RAB10: variants seen among roughly 807,000 people sequenced by gnomAD.
The protein encoded by RAB10 is RAB10, member RAS oncogene family.
RAB10 carries 5 observed loss-of-function variants against 25.7 expected under a neutral mutation model. The observed-to-expected ratio is 0.19, with a 90% CI of 0.10 to 0.41. The LOEUF (loss-of-function observed/expected upper bound fraction) is 0.41, where lower values mean the gene tolerates loss of function less well. Among genes scored for constraint, RAB10 ranks in the 10% least tolerant of loss-of-function variants. RAB10 has a pLI of 1.00. For missense variants in RAB10, 103 were observed against 245.8 expected, an observed-to-expected ratio of 0.42 and a Z score of 3.89; for synonymous variants, 89 against 86.4, an observed-to-expected ratio of 1.03 and a Z score of -0.16.
chr2:26,041,558 AAAAAAAAAG>A (rs1299698899), intron 1 of RAB10, among the ~76,000 whole-genome samples: 4 of 150,374 alleles, frequency 2.7e-5, no homozygotes, highest in East Asian at 3.9e-4. Flanking sequence ...AAAAAAAAAA[AAAAAAAAAG>A]AATGTTAGCT....
chr2:26,092,124 A>G (rs1441517218), intron 1 of RAB10, among the ~76,000 whole-genome samples: 2 of 151,580 alleles, frequency 1.3e-5, no homozygotes, highest in Admixed American at 6.6e-5. Context: ...GTGAGCTGAG[A>G]TAGTGCCACT....
At chr2:26,126,314 A>G (rs982406188) in intron 3 of RAB10, among the ~76,000 whole-genome samples, 2 of 152,164 alleles carry the variant, frequency 1.3e-5, no homozygotes, top group Non-Finnish European at 2.9e-5. Flanking sequence ...TCAGTGGCTC[A>G]TGCCTGTAAT....
rs538832048 is a variant in RAB10 at position 26,118,895 on chromosome 2, G to T, written c.328-8249G>T. Among the ~76,000 whole-genome samples, 3 of 152,290 alleles carry T rather than the reference G, an allele frequency of 2.0e-5. No homozygotes were observed. The South Asian group carries it at 6.2e-4, about 32-fold the overall frequency. On this transcript the variant is annotated intron_variant, in intron 3 of 5. Transcript: ENST00000264710. ...TGTCTCTTTATGGATATGTCTGTGT[G>T]GTGCAACTACCAATCTTTCTTTGGG...
chr2:26,045,930 C>T (rs1361187126), intron 1 of RAB10, among the ~76,000 whole-genome samples: 3 of 152,120 alleles, frequency 2.0e-5, no homozygotes, highest in African/African-American at 7.2e-5. Flanking sequence ...CATCTGAACC[C>T]AGAAGACTAA....
chr2:26,096,668 C>T (rs1667225321), intron 1 of RAB10, among the ~76,000 whole-genome samples: 1 of 152,158 alleles, frequency 6.6e-6, no homozygotes, highest in African/African-American at 2.4e-5. Context: ...TATTTGACCC[C>T]TTCTGAAACA....
chr2:26,054,477 A>G (rs1264640279), intron 1 of RAB10, among the ~76,000 whole-genome samples: 2 of 152,330 alleles, frequency 1.3e-5, no homozygotes, highest in East Asian at 3.9e-4. Flanking sequence ...GGCGTGAGCC[A>G]CCACACGTGG....
chr2:26,083,803 G>A (rs938242070), intron 1 of RAB10, among the ~76,000 whole-genome samples: 1 of 152,188 alleles, frequency 6.6e-6, no homozygotes, highest in African/African-American at 2.4e-5. Context: ...ACAGGCGTGA[G>A]CAGCTGCACC....
In RAB10 at chr2:26,040,335, A is replaced by G. The variant is rs561807650; in HGVS notation, c.127+5600A>G. Among the ~76,000 whole-genome samples, 72 of 152,226 alleles carry G rather than the reference A, an allele frequency of 4.7e-4. 1 individual carries two copies. Among genetic ancestry groups the G allele is most frequent in the Non-Finnish European group, 8.4e-4 (57 of 68,016 alleles). ...TCTGGCTGTGTTGTTTTTAAAATCT[A>G]GAGCATTCTCTATAAATGATTTATA... On this transcript the variant is annotated intron_variant, in intron 1 of 5. Coordinates refer to ENST00000264710, the MANE Select transcript of RAB10 (RefSeq NM_016131.5).
chr2:26,082,632 G>A (rs1405911351), intron 1 of RAB10, among the ~76,000 whole-genome samples: 1 of 152,068 alleles, frequency 6.6e-6, no homozygotes, highest in Non-Finnish European at 1.5e-5. Context: ...AAACCTTTCT[G>A]AAAGAAACCT....
At chr2:26,132,221 G>A (rs550670826) in intron 5 of RAB10, among the ~76,000 whole-genome samples, 4 of 152,136 alleles carry the variant, frequency 2.6e-5, no homozygotes. Context: ...GATTTAATTC[G>A]CAGGTAATTT....
intron 2 of RAB10, among the ~76,000 whole-genome samples, chr2:26,109,176 C>T (rs1667523759): frequency 6.6e-6 from 1 of 152,112 alleles, no homozygotes; most frequent in African/African-American, 2.4e-5. Context: ...TCCCGAAGGG[C>T]TGGGATTACA....
intron 1 of RAB10, among the ~76,000 whole-genome samples, chr2:26,082,899 A>T (rs6711362): frequency 0.028 from 4,292 of 152,240 alleles, 203 homozygotes; most frequent in African/African-American, 0.099. Flanking sequence ...ATACATCATG[A>T]CTCAAATGGA....
intron 5 of RAB10, among the ~76,000 whole-genome samples, chr2:26,130,577 A>G (rs371900689): frequency 6.6e-6 from 1 of 151,794 alleles, no homozygotes; most frequent in Non-Finnish European, 1.5e-5. Flanking sequence ...CTGAGTAGCT[A>G]GGACCACGAG....
At chr2:26,063,023 G>T (rs1484385622) in intron 1 of RAB10, among the ~76,000 whole-genome samples, 4 of 151,696 alleles carry the variant, frequency 2.6e-5, no homozygotes, top group Admixed American at 2.6e-4. Flanking sequence ...GCTGAGGCAG[G>T]AGGATGGCTT....
At chr2:26,091,327 T>G (rs916366648) in intron 1 of RAB10, among the ~76,000 whole-genome samples, 2 of 151,956 alleles carry the variant, frequency 1.3e-5, no homozygotes, top group Non-Finnish European at 1.5e-5. Context: ...GTGGGAAACA[T>G]AGAGAAATAT....
At chr2:26,098,573 A>T (rs1434588671) in intron 1 of RAB10, 89 bp from the exon 2 acceptor site, 2 of 923,354 alleles carry the variant, frequency 2.2e-6, no homozygotes, top group Non-Finnish European at 3.4e-6. Flanking sequence ...AGACAAGTTT[A>T]AAAGGTGTGA....
intron 3 of RAB10, among the ~76,000 whole-genome samples, chr2:26,117,911 C>T (rs889928618): frequency 1.3e-5 from 2 of 152,122 alleles, no homozygotes; most frequent in Non-Finnish European, 1.5e-5. Context: ...AATAACTTAG[C>T]TTAGGAAGGA....
intron 1 of RAB10, among the ~76,000 whole-genome samples, chr2:26,087,377 T>C (rs1429063918): frequency 2.0e-5 from 3 of 152,204 alleles, no homozygotes; most frequent in Non-Finnish European, 2.9e-5. Flanking sequence ...GTATTACTGC[T>C]GTTATTGCTG....
chr2:26,064,441 C>T (rs1471401357), intron 1 of RAB10, among the ~76,000 whole-genome samples: 3 of 152,118 alleles, frequency 2.0e-5, no homozygotes, highest in Admixed American at 6.5e-5. Context: ...CCCACCTCAG[C>T]CTCCTGAGTA....
Sources: allele counts gnomAD v4.1 joint callset (sites outside exome capture counted in the v4.1 genomes callset), GRCh38; gene constraint gnomAD v4.1.1; transcripts MANE v1.5; gene names NCBI Gene and HGNC (gene_info 2026-07-23, HGNC 2026-07-21).